FOXP1: variants seen among roughly 807,000 people sequenced by gnomAD.
The protein encoded by FOXP1 is forkhead box P1.
In FOXP1, 15 loss-of-function variants were observed where a neutral mutation model predicts 98.2. The ratio of observed to expected loss-of-function variants is 0.15; its 90% confidence interval spans 0.10 to 0.24. The LOEUF is 0.24. Among genes scored for constraint, FOXP1 ranks in the 10% least tolerant of loss-of-function variants. The pLI, the probability that FOXP1 is intolerant of heterozygous loss-of-function variation, is 1.00. For missense variants in FOXP1, 633 were observed against 848.5 expected (o/e 0.75, Z 3.15); for synonymous variants, 371 against 314.5 (o/e 1.18, Z -1.90).
intron 7 of FOXP1, among the ~76,000 whole-genome samples, chr3:71,070,657 G>A (rs989374578): frequency 6.6e-6 from 1 of 152,134 alleles, no homozygotes; most frequent in African/African-American, 2.4e-5. Context: ...GGAACCCTCC[G>A]CGCACGTGTG....
chr3:70,970,810 G>GT lies in FOXP1; in HGVS notation c.1653-6dup, dbSNP rs766774379. On this transcript the variant is annotated splice_region_variant and splice_polypyrimidine_tract_variant and intron_variant, in intron 18 of 20. Coordinates refer to ENST00000649528, the MANE Select transcript of FOXP1 (RefSeq NM_001349338.3). ...TTTTTAATAAGGGAAGGGTTACTGT[G>GT]TAAGAAAAACATAAAAACTCAAAGT... 22 of 1,610,398 alleles carry GT rather than the reference G, an allele frequency of 1.4e-5. No individual in the cohort carries two copies. The highest frequency in any genetic ancestry group is 1.7e-6 in the Non-Finnish European group (2 of 1,176,692).
intron 5 of FOXP1, among the ~76,000 whole-genome samples, chr3:71,295,848 T>C (rs537389685): frequency 2.6e-4 from 40 of 152,324 alleles, no homozygotes; most frequent in African/African-American, 8.2e-4. Context: ...ATCTGTATAA[T>C]TGTGACCAGT....
At chr3:71,119,671 T>C (rs959518534) in intron 6 of FOXP1, among the ~76,000 whole-genome samples, 2 of 152,224 alleles carry the variant, frequency 1.3e-5, no homozygotes, top group African/African-American at 4.8e-5. Flanking sequence ...AGTGATCATT[T>C]AACACAACCT....
chr3:71,114,995 C>A (rs898370186), intron 6 of FOXP1, among the ~76,000 whole-genome samples: 4 of 152,146 alleles, frequency 2.6e-5, no homozygotes, highest in African/African-American at 9.7e-5. Context: ...TATATATGTT[C>A]CCTTAGCTAT....
At chr3:71,430,166 A>C (rs2084569039) in intron 3 of FOXP1, among the ~76,000 whole-genome samples, 1 of 152,132 alleles carries the variant, frequency 6.6e-6, no homozygotes, top group South Asian at 2.1e-4. Flanking sequence ...CCTCCTGACC[A>C]TACCCCAAAA....
intron 6 of FOXP1, among the ~76,000 whole-genome samples, chr3:71,164,348 CGCCA>C (rs2061300638): frequency 6.6e-6 from 1 of 151,986 alleles, no homozygotes; most frequent in Non-Finnish European, 1.5e-5. Context: ...TACAGGCGCC[CGCCA>C]CCACGCCCGG....
intron 5 of FOXP1, among the ~76,000 whole-genome samples, chr3:71,249,252 G>A (rs1431259903): frequency 1.3e-5 from 2 of 152,218 alleles, no homozygotes; most frequent in African/African-American, 4.8e-5. Context: ...AGCCAACCCA[G>A]CAAACAGGGC....
chr3:71,127,477 G>C (rs2059293714), intron 6 of FOXP1, among the ~76,000 whole-genome samples: 1 of 152,148 alleles, frequency 6.6e-6, no homozygotes, highest in South Asian at 2.1e-4. Flanking sequence ...ACCCTAAATA[G>C]ATTAAAATAA....
chr3:71,132,999 C>G (rs1189279213), intron 6 of FOXP1, among the ~76,000 whole-genome samples: 1 of 149,484 alleles, frequency 6.7e-6, no homozygotes, highest in Non-Finnish European at 1.5e-5. Context: ...AAAAAGCAAG[C>G]AAACATAGTT....
At chr3:71,543,992 T>C (rs1383397594) in intron 2 of FOXP1, among the ~76,000 whole-genome samples, 2 of 79,726 alleles carry the variant, frequency 2.5e-5, no homozygotes, top group Non-Finnish European at 8.1e-5. Context: ...TATATACACA[T>C]ATACACACAT....
At chr3:71,103,574 T>C (rs1459345171) in intron 7 of FOXP1, among the ~76,000 whole-genome samples, 1 of 152,146 alleles carries the variant, frequency 6.6e-6, no homozygotes, top group East Asian at 1.9e-4. Flanking sequence ...ATGCTGTTAT[T>C]CTAGGCTCCA....
At chr3:71,074,141 G>A (rs984745514) in intron 7 of FOXP1, among the ~76,000 whole-genome samples, 1 of 152,202 alleles carries the variant, frequency 6.6e-6, no homozygotes, top group Non-Finnish European at 1.5e-5. Flanking sequence ...TCCTATAGAA[G>A]TGCTTAATCC....
At chr3:71,105,537 C>A (rs1423589923) in intron 7 of FOXP1, among the ~76,000 whole-genome samples, 1 of 152,108 alleles carries the variant, frequency 6.6e-6, no homozygotes, top group Non-Finnish European at 1.5e-5. Context: ...ATGGCAGGAG[C>A]ACTCTTAATT....
chr3:71,481,857 C>T (rs2090302132), intron 3 of FOXP1, among the ~76,000 whole-genome samples: 1 of 152,122 alleles, frequency 6.6e-6, no homozygotes, highest in South Asian at 2.1e-4. Flanking sequence ...TCTTCGCACA[C>T]CTTTTCTCAC....
chr3:71,569,814 G>A (rs373832324), intron 2 of FOXP1, among the ~76,000 whole-genome samples: 21 of 147,506 alleles, frequency 1.4e-4, no homozygotes, highest in Non-Finnish European at 2.1e-4. Flanking sequence ...ACGGAGTCTC[G>A]CTCTGTCGCC....
chr3:71,582,873 A>T, intron 1 of FOXP1: 1 of 931,478 alleles, frequency 1.1e-6, no homozygotes, highest in Non-Finnish European at 1.3e-6. Flanking sequence ...CGCGCGTGGC[A>T]GCGGGGAAGT....
At chr3:71,107,867 A>G (rs909736472) in intron 7 of FOXP1, among the ~76,000 whole-genome samples, 1 of 152,342 alleles carries the variant, frequency 6.6e-6, no homozygotes, top group Non-Finnish European at 1.5e-5. Context: ...ACTGCAAATA[A>G]AAATGCTAAA....
chr3:71,286,274 G>C (rs544017337), intron 5 of FOXP1, among the ~76,000 whole-genome samples: 10 of 152,214 alleles, frequency 6.6e-5, no homozygotes, highest in African/African-American at 2.4e-4. Flanking sequence ...TTTAGAATTA[G>C]ATGGGATATC....
At chr3:71,286,893 CACA>C in intron 5 of FOXP1, among the ~76,000 whole-genome samples, 1 of 152,276 alleles carries the variant, frequency 6.6e-6, no homozygotes, top group African/African-American at 2.4e-5. Flanking sequence ...TATCTAAAAT[CACA>C]ACATCTTTTA....
Sources: allele counts gnomAD v4.1 joint callset (sites outside exome capture counted in the v4.1 genomes callset), GRCh38; gene constraint gnomAD v4.1.1; transcripts MANE v1.5; gene names NCBI Gene and HGNC (gene_info 2026-07-23, HGNC 2026-07-21).